Variants in COG6 observed in about 807,000 individuals in gnomAD.
The protein encoded by COG6 is component of oligomeric golgi complex 6.
Under a neutral mutation model 88.8 loss-of-function variants are expected in COG6, and 74 were observed. The ratio of observed to expected loss-of-function variants is 0.83; its 90% CI spans 0.69 to 1.01. The LOEUF (loss-of-function observed/expected upper bound fraction) is 1.01, where lower values mean the gene tolerates loss of function less well. Ranked by LOEUF, COG6 falls within the 50% of genes least tolerant of loss-of-function variation. COG6 has a pLI of 0.00. For missense variants in COG6, 800 were observed against 797.9 expected, an observed-to-expected ratio of 1.00 and a Z score of -0.03; for synonymous variants, 286 against 278.7, an observed-to-expected ratio of 1.03 and a Z score of -0.26.
chr13:39,740,322 T>C (rs1879979544), intron 18 of COG6, among the ~76,000 whole-genome samples: 1 of 152,194 alleles, frequency 6.6e-6, no homozygotes, highest in Non-Finnish European at 1.5e-5. Flanking sequence ...CACATTAACC[T>C]CTGAACTTTT....
At chr13:39,722,351 T>C (rs1463098671) in intron 15 of COG6, among the ~76,000 whole-genome samples, 1 of 151,972 alleles carries the variant, frequency 6.6e-6, no homozygotes, top group African/African-American at 2.4e-5. Context: ...CTTTCAGTAG[T>C]GTTGCCTCAG....
chr13:39,756,476 T>C (rs1193483539), downstream of COG6, among the ~76,000 whole-genome samples: 1 of 152,132 alleles, frequency 6.6e-6, no homozygotes, highest in Admixed American at 6.5e-5. Context: ...GAAGAAATAT[T>C]GTCAGGATAC....
intron 8 of COG6, 158 bp downstream of exon 8, chr13:39,682,422 G>A (rs1037684678): frequency 1.5e-5 from 9 of 598,462 alleles, no homozygotes; most frequent in Admixed American, 5.9e-5. Flanking sequence ...GTTTCATGGG[G>A]TATCAGCTTA....
At chr13:39,755,420 A>G (rs1278602785), downstream of COG6, among the ~76,000 whole-genome samples, 1 of 151,718 alleles carries the variant, frequency 6.6e-6, no homozygotes, top group Admixed American at 6.6e-5. Flanking sequence ...CTGTTATGGA[A>G]CTCACCCTCT....
At position 39,674,328 on chromosome 13, in the gene COG6, T is replaced by G. The variant is rs1246563633; in HGVS notation, c.429-3140T>G. Among the ~76,000 whole-genome samples the G allele has an allele frequency of 3.9e-5, 6 of 152,252 alleles. No individual in the cohort carries two copies. The East Asian group carries it at 9.6e-4, about 24-fold the overall frequency. ...GCCATTTATATTTCTTTACTTTTTT[T>G]GTTTTGGTTTATATCTTATGTCCAT... On this transcript the variant is annotated intron_variant, in intron 4 of 18. Coordinates refer to ENST00000455146, the MANE Select transcript of COG6 (RefSeq NM_020751.3).
chr13:39,751,218 G>T lies in COG6; in HGVS notation c.*125G>T. ...TTTTCTTTGTATCATAAGATTGTAA[G>T]TCCCGATAATTTTTTTTTTTTTGGT... On this transcript the variant is annotated 3_prime_UTR_variant, in exon 19 of 19. Transcript: ENST00000455146. 1 of 1,517,970 alleles carries T rather than the reference G, an allele frequency of 6.6e-7. No homozygotes were observed. The highest frequency in any genetic ancestry group is 1.4e-5 in the African/African-American group (1 of 71,634). 94.0% of individuals were successfully genotyped at this position (1,517,970 alleles called of 1,614,324 possible).
chr13:39,689,808 T>C lies in COG6; in HGVS notation c.1058T>C (p.Val353Ala). 6.2e-7 allele frequency: 1 copy of C among 1,609,552 alleles called. No homozygotes were observed. Among genetic ancestry groups the C allele is most frequent in the Non-Finnish European group, 8.5e-7 (1 of 1,176,900 alleles). The change falls in exon 11 of 19, where the codon GTG becomes GCG. Residue 353 changes from valine (V) to alanine (A), a missense_variant. By Grantham distance (64) the Val-to-Ala change is moderately conservative. Transcript: ENST00000455146. ...GTTGTTGGGCATATCACTGAAGGTGTGTGCAGGCCTCTAAAGGTAAAATAT... is the reference window on the plus strand; with the variant it reads ...GTTGTTGGGCATATCACTGAAGGTGCGTGCAGGCCTCTAAAGGTAAAATAT... The part of the protein sequence containing the change: ...QEVVGHITEG[V>A]CRPLKVRIEQ...
chr13:39,708,824 TTTATG>T (rs2138054451), intron 13 of COG6, among the ~76,000 whole-genome samples: 1 of 152,264 alleles, frequency 6.6e-6, no homozygotes, highest in African/African-American at 2.4e-5. Flanking sequence ...ACCTGAGACT[TTTATG>T]TTTTTTTCCA....
At chr13:39,660,722 A>G in intron 2 of COG6, 88 bp from the exon 3 acceptor site, 2 of 885,426 alleles carry the variant, frequency 2.3e-6, no homozygotes, top group East Asian at 2.5e-5. Context: ...ATAAAAAATT[A>G]TGTAACTAAA....
intron 13 of COG6, among the ~76,000 whole-genome samples, chr13:39,718,279 G>GA (rs1878645934): frequency 6.6e-6 from 1 of 152,022 alleles, no homozygotes; most frequent in East Asian, 1.9e-4. Flanking sequence ...CTTTCTACAT[G>GA]AAACCATCTT....
chr13:39,718,741 T>C (rs1299668887), intron 13 of COG6, among the ~76,000 whole-genome samples: 2 of 152,096 alleles, frequency 1.3e-5, no homozygotes, highest in Non-Finnish European at 2.9e-5. Context: ...ACCCATGGGT[T>C]ACCTTCTTGA....
chr13:39,712,163 G>A (rs1878280353), intron 13 of COG6, among the ~76,000 whole-genome samples: 2 of 151,908 alleles, frequency 1.3e-5, no homozygotes, highest in Non-Finnish European at 2.9e-5. Context: ...CAGCCCTGAT[G>A]TGTATCTTGC....
chr13:39,689,946 C>T, intron 11 of COG6, 122 bp downstream of exon 11: 1 of 565,552 alleles, frequency 1.8e-6, no homozygotes, highest in Non-Finnish European at 3.2e-6. Context: ...AATTAGCACA[C>T]TAATGTAGAC....
In COG6 at chr13:39,751,139, C is replaced by G. The variant is rs1880603958; in HGVS notation, c.*46C>G. 2.5e-6 allele frequency: 4 copies of G among 1,606,788 alleles called. No homozygotes were observed. The South Asian group carries it at 4.4e-5, about 18-fold the overall frequency. On this transcript the variant is annotated 3_prime_UTR_variant, in exon 19 of 19. Coordinates refer to ENST00000455146, the MANE Select transcript of COG6 (RefSeq NM_020751.3). ...AGCAAAATATGACCTCCCTAAAACA[C>G]TGAAGGTTATTTTTTATTCTTTGAA...
rs1034353417 is a variant in COG6 at position 39,661,709 on chromosome 13, A to G, written c.369+828A>G. Among the ~76,000 whole-genome samples the G allele has an allele frequency of 3.3e-5, 5 of 151,578 alleles. No individual in the cohort carries two copies. The East Asian group carries it at 9.6e-4, about 29-fold the overall frequency. On this transcript the variant is annotated intron_variant, in intron 3 of 18. Coordinates refer to ENST00000455146, the MANE Select transcript of COG6 (RefSeq NM_020751.3). The stretch of plus-strand genomic sequence containing the variant: ...TATTTAGATATTTGTTAATTTGACA[A>G]TATTTAAATAATTATATAATATATA...
chr13:39,775,057 C>A (rs11840841), intron 18 of COG6, among the ~76,000 whole-genome samples: 2,044 of 152,274 alleles, frequency 0.013, 35 homozygotes, highest in African/African-American at 0.045. Context: ...ATTTCCATTG[C>A]TCATTGCTCT....
chr13:39,712,138 G>A (rs1008656365), intron 13 of COG6, among the ~76,000 whole-genome samples: 5 of 152,144 alleles, frequency 3.3e-5, no homozygotes, highest in Admixed American at 2.0e-4. Flanking sequence ...GACTACAGGC[G>A]TGAGTCACCA....
exon 19 of COG6, chr13:39,789,572 C>CCACCCTGACTCATTCCGATTACCTGCTG: frequency 6.6e-6 from 1 of 152,218 alleles, no homozygotes; most frequent in African/African-American, 2.4e-5. Context: ...ATCACCTGCT[C>CCACCCTGACTCATTCCGATTACCTGCTG]CACCCTGACT....
In COG6 at chr13:39,719,828, G is replaced by A; in HGVS notation, c.1584+1G>A. On this transcript the variant is annotated splice_donor_variant, in intron 15 of 18. Coordinates refer to ENST00000455146, the MANE Select transcript of COG6 (RefSeq NM_020751.3). LOFTEE classifies it high-confidence loss of function. Reference sequence around the variant, plus strand: ...ACGTCTGGAAATGCTACAGTTTCAGGTAAATTTTTCTATAAAATGACTATT... The same window carrying A: ...ACGTCTGGAAATGCTACAGTTTCAGATAAATTTTTCTATAAAATGACTATT... 1 of 1,607,430 alleles carries A rather than the reference G, an allele frequency of 6.2e-7. No individual in the cohort carries two copies. Among genetic ancestry groups the A allele is most frequent in the Non-Finnish European group, 8.5e-7 (1 of 1,175,280 alleles).
Sources: allele counts gnomAD v4.1 joint callset (sites outside exome capture counted in the v4.1 genomes callset), GRCh38; gene constraint gnomAD v4.1.1; transcripts MANE v1.5; gene names NCBI Gene and HGNC (gene_info 2026-07-23, HGNC 2026-07-21).